OTUD7A: variants seen among roughly 807,000 people sequenced by gnomAD.
The protein encoded by OTUD7A is OTU domain-containing protein 7A.
Under a neutral mutation model 65.7 loss-of-function variants are expected in OTUD7A, and 12 were observed. The observed-to-expected ratio is 0.18, with a 90% CI of 0.12 to 0.30. OTUD7A has a LOEUF of 0.30. Ranked by LOEUF, OTUD7A falls within the 10% of genes least tolerant of loss-of-function variation. The probability of loss-of-function intolerance (pLI) is 1.00; values close to 1 mark genes in which losing one functional copy is unlikely to be tolerated. For missense variants in OTUD7A, 1,148 were observed against 1,304.8 expected, an observed-to-expected ratio of 0.88 and a Z score of 1.85; for synonymous variants, 641 against 586.3, an observed-to-expected ratio of 1.09 and a Z score of -1.35.
chr15:31,494,435 G>A (rs2041357090), intron 10 of OTUD7A, among the ~76,000 whole-genome samples: 1 of 152,184 alleles, frequency 6.6e-6, no homozygotes, highest in South Asian at 2.1e-4. Context: ...CCAGCTTCCA[G>A]AACTATCAGA....
intron 1 of OTUD7A, among the ~76,000 whole-genome samples, chr15:31,699,631 G>C (rs1460588292): frequency 1.3e-5 from 2 of 152,174 alleles, no homozygotes; most frequent in Admixed American, 1.3e-4. Flanking sequence ...GGTTCTGAGA[G>C]AGAAAACACA....
chr15:31,790,678 C>T (rs1895789685), intron 1 of OTUD7A, among the ~76,000 whole-genome samples: 1 of 152,186 alleles, frequency 6.6e-6, no homozygotes, highest in Non-Finnish European at 1.5e-5. Flanking sequence ...CTGCCTCCCA[C>T]CAGCCAATAT....
At chr15:31,842,010 C>A (rs72711406) in intron 1 of OTUD7A, among the ~76,000 whole-genome samples, 2 of 152,326 alleles carry the variant, frequency 1.3e-5, no homozygotes, top group Non-Finnish European at 2.9e-5. Flanking sequence ...AAACTGGCGA[C>A]CACCTGCATG....
chr15:31,574,104 T>C (rs942634472), intron 3 of OTUD7A, among the ~76,000 whole-genome samples: 7 of 152,088 alleles, frequency 4.6e-5, no homozygotes, highest in South Asian at 2.1e-4. Flanking sequence ...TAAACTGATA[T>C]TGTCTAAAGA....
chr15:31,583,089 C>T (rs756900358), intron 3 of OTUD7A, among the ~76,000 whole-genome samples: 21 of 152,218 alleles, frequency 1.4e-4, no homozygotes, highest in Non-Finnish European at 2.6e-4. Flanking sequence ...AAAGCAACAG[C>T]GTCCTTGCCT....
In OTUD7A at chr15:31,827,389, T is replaced by C. The variant is rs536059020; in HGVS notation, c.-100+43118A>G. On this transcript the variant is annotated intron_variant, in intron 1 of 12. Coordinates refer to ENST00000307050, the MANE Select transcript of OTUD7A (RefSeq NM_001382637.1). ...TTTGTGAGACGTATTCACTACCATG[T>C]GAACAGTATGAGGGAAACCACCCCA... 9.2e-5 allele frequency among the ~76,000 whole-genome samples: 14 copies of C among 152,318 alleles called. No homozygotes were observed. In the South Asian group the frequency reaches 2.3e-3, roughly 25 times the overall value.
chr15:31,590,538 T>C (rs578069534), intron 3 of OTUD7A, among the ~76,000 whole-genome samples: 4 of 152,322 alleles, frequency 2.6e-5, no homozygotes, highest in East Asian at 1.9e-4. Flanking sequence ...CATACATACA[T>C]AGCAGGCATT....
At chr15:31,536,105 G>A (rs1365682629) in intron 5 of OTUD7A, among the ~76,000 whole-genome samples, 4 of 152,244 alleles carry the variant, frequency 2.6e-5, no homozygotes, top group Non-Finnish European at 4.4e-5. Context: ...GGAAACAGGA[G>A]GGAAATGGGT....
intron 8 of OTUD7A, among the ~76,000 whole-genome samples, chr15:31,518,245 G>A (rs1216071200): frequency 2.6e-5 from 4 of 152,072 alleles, no homozygotes; most frequent in Non-Finnish European, 4.4e-5. Flanking sequence ...AGGCCGAGGC[G>A]GGTGGATCAT....
chr15:31,614,223 AC>A (rs1890517992), intron 3 of OTUD7A, among the ~76,000 whole-genome samples: 1 of 152,154 alleles, frequency 6.6e-6, no homozygotes, highest in Non-Finnish European at 1.5e-5. Flanking sequence ...TGATGGGTGC[AC>A]CAAAATCTCA....
At chr15:31,505,223 A>G (rs1316321987) in intron 8 of OTUD7A, among the ~76,000 whole-genome samples, 1 of 152,148 alleles carries the variant, frequency 6.6e-6, no homozygotes, top group Middle Eastern at 3.2e-3. Flanking sequence ...GTAACTTTGA[A>G]TTTTTTAAAA....
intron 1 of OTUD7A, among the ~76,000 whole-genome samples, chr15:31,745,521 CACAA>C (rs1894452761): frequency 6.6e-6 from 1 of 152,080 alleles, no homozygotes; most frequent in Non-Finnish European, 1.5e-5. Context: ...TACCTAATGC[CACAA>C]ACAAAGATTA....
rs1164854427 is a variant in OTUD7A at position 31,482,613 on chromosome 15, G to A, written c.*681C>T. 1 of 152,246 alleles carries A rather than the reference G, an allele frequency of 6.6e-6. No individual in the cohort carries two copies. The highest frequency in any genetic ancestry group is 1.5e-5 in the Non-Finnish European group (1 of 68,054). 9.4% of individuals were successfully genotyped at this position (152,246 alleles called of 1,614,324 possible). ...CTGTACCTCACGGCGCCCGCGAGAC[G>A]GGTGGTCCAGTGCCCTTTCCACGGC... On this transcript the variant is annotated 3_prime_UTR_variant, in exon 13 of 13. Transcript: ENST00000307050.
At chr15:31,800,484 T>A (rs944600729) in intron 1 of OTUD7A, among the ~76,000 whole-genome samples, 1 of 152,106 alleles carries the variant, frequency 6.6e-6, no homozygotes, top group African/African-American at 2.4e-5. Flanking sequence ...AGGTCGGGAC[T>A]CCCCAGGATG....
intron 1 of OTUD7A, among the ~76,000 whole-genome samples, chr15:31,833,234 G>T (rs1374328895): frequency 6.6e-6 from 1 of 152,208 alleles, no homozygotes; most frequent in East Asian, 1.9e-4. Flanking sequence ...CCACAGCTGA[G>T]AATTGAGGCA....
intron 1 of OTUD7A, among the ~76,000 whole-genome samples, chr15:31,780,139 T>C (rs1895498720): frequency 6.6e-6 from 1 of 152,194 alleles, no homozygotes; most frequent in Non-Finnish European, 1.5e-5. Flanking sequence ...CTGTAGTATC[T>C]GCCCCTCTGG....
At chr15:31,657,418 G>A (rs1352945048) in intron 1 of OTUD7A, among the ~76,000 whole-genome samples, 3 of 151,394 alleles carry the variant, frequency 2.0e-5, no homozygotes, top group Admixed American at 6.6e-5. Flanking sequence ...GTGCAGTGGC[G>A]CGATCTCGGC....
At chr15:31,752,298 T>C (rs908888639) in intron 1 of OTUD7A, among the ~76,000 whole-genome samples, 14 of 137,598 alleles carry the variant, frequency 1.0e-4, no homozygotes, top group African/African-American at 4.5e-4. Flanking sequence ...ACTATGTTGT[T>C]TTGGATGACG....
intron 3 of OTUD7A, among the ~76,000 whole-genome samples, chr15:31,590,754 T>C (rs907393692): frequency 2.0e-5 from 3 of 152,146 alleles, no homozygotes; most frequent in Admixed American, 1.3e-4. Context: ...TGCAAATATA[T>C]GGTAAAAGCG....
Sources: allele counts gnomAD v4.1 joint callset (sites outside exome capture counted in the v4.1 genomes callset), GRCh38; gene constraint gnomAD v4.1.1; transcripts MANE v1.5; gene names NCBI Gene and HGNC (gene_info 2026-07-23, HGNC 2026-07-21).